MUC5B: variants seen among roughly 807,000 people sequenced by gnomAD.
The protein encoded by MUC5B is mucin-5B.
Under a neutral mutation model 376.9 loss-of-function variants are expected in MUC5B, and 116 were observed. The observed-to-expected ratio is 0.31, with a 90% CI of 0.26 to 0.36. The LOEUF (loss-of-function observed/expected upper bound fraction) is 0.36. Ranked by LOEUF, MUC5B falls within the 10% of genes least tolerant of loss-of-function variation. The pLI is 1.00. For missense variants in MUC5B, 7,165 were observed against 7,769.9 expected (o/e 0.92, Z 2.93); for synonymous variants, 3,517 against 3,390.9 (o/e 1.04, Z -1.29).
In MUC5B at chr11:1,258,008, G is replaced by T. The variant is rs970096114; in HGVS notation, c.16451-91G>T. 3.8e-6 allele frequency: 5 copies of T among 1,318,324 alleles called. No individual in the cohort carries two copies. In the African/African-American group the frequency reaches 4.4e-5, roughly 12 times the overall value. 81.7% of individuals were successfully genotyped at this position (1,318,324 alleles called of 1,614,324 possible). On this transcript the variant is annotated intron_variant, in intron 41 of 48. Transcript: ENST00000529681. This position sits in a 1 kb window ranked among gnomAD's most constrained non-coding sequence, Gnocchi z 5.5. ...GGGGCTGTGAAGCGGTCAGGTCCTC[G>T]GGGAAAAGCACGCCTGCGACTTACT...
In MUC5B at chr11:1,256,741, G is replaced by T. The variant is rs746569461; in HGVS notation, c.16207G>T (p.Ala5403Ser). 1.0e-5 allele frequency: 16 copies of T among 1,548,692 alleles called. No individual in the cohort carries two copies. Among genetic ancestry groups the T allele is most frequent in the African/African-American group, 1.4e-5 (1 of 72,628 alleles). ...CCCTGAGGACCAGATCCTCTTCAAC[G>T]CACACATGGGCATCTGCGTGCAGGC... is the stretch of plus-strand genomic sequence containing the variant. Reference protein sequence around the residue: ...FCPEDQILFNAHMGICVQACP... With the variant: ...FCPEDQILFNSHMGICVQACP... The change falls in exon 39 of 49, where the codon GCA (alanine) becomes TCA (serine). Residue 5403 changes from alanine to serine, a missense_variant. Physicochemically the swap from Ala to Ser is moderately conservative, Grantham distance 99. Around this residue, in one of 31 missense-constraint regions of MUC5B, gnomAD observed 842 missense variants for 1,016.9 expected, o/e 0.83. Coordinates refer to ENST00000529681, the MANE Select transcript of MUC5B (RefSeq NM_002458.3).
rs569128267 is a variant in MUC5B at position 1,254,799 on chromosome 11, G to A, written c.15583G>A (p.Val5195Met). 305 of 1,612,756 alleles carry A rather than the reference G, an allele frequency of 1.9e-4. 2 individuals are homozygous for A. The South Asian group carries it at 3.1e-3, about 16-fold the overall frequency. ...GCGTGTGGACATTCCTGCCCTGGGC[G>A]TGAGCGTCACCTTCAATGGCCAAGT... Reference protein sequence around the residue: ...TMRVDIPALGVSVTFNGQVFQ... With the variant: ...TMRVDIPALGMSVTFNGQVFQ... Residue 5195 changes from valine to methionine, a missense_variant, in exon 35 of 49, where the codon GTG (valine) becomes ATG (methionine). By Grantham distance (21) the Val-to-Met change is conservative (BLOSUM62 1). Transcript: ENST00000529681.
chr11:1,247,687 G>A lies in MUC5B; in HGVS notation c.10807G>A (p.Ala3603Thr). 2 of 1,587,104 alleles carry A rather than the reference G, an allele frequency of 1.3e-6. No homozygotes were observed. The highest frequency in any genetic ancestry group is 1.7e-5 in the Admixed American group (1 of 59,130). Residue 3603 changes from alanine to threonine, a missense_variant, in exon 31 of 49, where the codon GCG becomes ACG. Ala to Thr is a moderately conservative substitution (Grantham distance 58). This residue lies in a region of MUC5B where 81 missense variants were observed against 154.5 expected (regional missense o/e 0.52). Transcript: ENST00000529681. ...GDFDTYSNIR[A>T]AGGAVCEQPL... ...CTTTGACACCTACTCCAACATCCGT[G>A]CGGCCGGAGGGGCAGTCTGTGAGCA...
Position 1,243,150 on chromosome 11 carries a change from G to A in MUC5B, c.6270G>A (p.Val2090=), listed in dbSNP as rs1320968904. ...TTTPTTRGST[V]TPSSIPGTTH... Reference sequence around the variant, plus strand: ...CACCCACAACCAGAGGCTCCACGGTGACCCCCTCCTCCATCCCGGGGACCA... The same window carrying A: ...CACCCACAACCAGAGGCTCCACGGTAACCCCCTCCTCCATCCCGGGGACCA... The change falls in exon 31 of 49, where the codon GTG becomes GTA. Residue 2090 remains valine (V), a synonymous_variant. Transcript: ENST00000529681. 1 of 1,608,226 alleles carries A rather than the reference G, an allele frequency of 6.2e-7. No individual in the cohort carries two copies. The highest frequency in any genetic ancestry group is 2.2e-5 in the East Asian group (1 of 44,652).
At chr11:1,224,350 G>T (rs1441806511) in intron 1 of MUC5B, among the ~76,000 whole-genome samples, 1 of 152,090 alleles carries the variant, frequency 6.6e-6, no homozygotes, top group Non-Finnish European at 1.5e-5. Context: ...TGATGGGGTG[G>T]CTGGTGGTGG....
chr11:1,233,476 C>A (rs1368876344), intron 18 of MUC5B, among the ~76,000 whole-genome samples: 2 of 152,098 alleles, frequency 1.3e-5, no homozygotes, highest in African/African-American at 2.4e-5. Context: ...TGGGAGGACA[C>A]CTGCTGGCTG....
Position 1,245,178 on chromosome 11 carries a change from G to A in MUC5B, c.8298G>A (p.Thr2766=), listed in dbSNP as rs1449873100. The A allele has an allele frequency of 1.2e-5, 19 of 1,578,874 alleles. No homozygotes were observed. Among genetic ancestry groups the A allele is most frequent in the Middle Eastern group, 2.3e-4 (1 of 4,414 alleles). ...CCCTGTCCCCCAGCAGTCCCCACAC[G>A]GTGCGCACAGCCTGGACTTCGGCCA... is the stretch of plus-strand genomic sequence containing the variant. ...GRSLSPSSPH[T]VRTAWTSATS... is the part of the protein sequence containing the mutation. The change falls in exon 31 of 49, where the codon ACG becomes ACA. Residue 2766 remains threonine, a synonymous_variant. Coordinates refer to ENST00000529681, the MANE Select transcript of MUC5B (RefSeq NM_002458.3).
chr11:1,228,691 C>A lies in MUC5B; in HGVS notation c.902C>A (p.Thr301Asn), dbSNP rs1421102712. Residue 301 changes from threonine to asparagine, a missense_variant, in exon 8 of 49, where the codon ACC becomes AAC. By Grantham distance (65) the Thr-to-Asn change is moderately conservative (BLOSUM62 0). This residue lies in a region of MUC5B where 640 missense variants were observed against 733.0 expected (regional missense o/e 0.87). Coordinates refer to ENST00000529681, the MANE Select transcript of MUC5B (RefSeq NM_002458.3). ...LCRCPTCPCA[T>N]FVEYSRQCAH... ...CGCTGCCCCACCTGCCCGTGTGCCA[C>A]CTTTGTGGAATACTCACGCCAGTGC... 2 of 1,534,570 alleles carry A rather than the reference C, an allele frequency of 1.3e-6. No homozygotes were observed. Among genetic ancestry groups the A allele is most frequent in the East Asian group, 2.4e-5 (1 of 40,892 alleles).
rs1862290911 is a variant in MUC5B, at chr11:1,241,799, C to A, written c.4919C>A (p.Thr1640Asn). 1 of 1,612,342 alleles carries A rather than the reference C, an allele frequency of 6.2e-7. No homozygotes were observed. The highest frequency in any genetic ancestry group is 1.3e-5 in the African/African-American group (1 of 74,858). ...TPQPTSSPGL[T>N]RAPPASTTAV... The stretch of plus-strand genomic sequence containing the variant: ...CAGCCTACGAGTAGCCCGGGGCTGA[C>A]CAGGGCTCCCCCGGCCAGCACCACA... The change falls in exon 31 of 49, where the codon ACC (threonine) becomes AAC (asparagine). Residue 1640 changes from threonine (T) to asparagine (N), a missense_variant. Coordinates refer to ENST00000529681, the MANE Select transcript of MUC5B (RefSeq NM_002458.3).
Position 1,257,393 on chromosome 11 carries a change from G to T in MUC5B, c.16269+122G>T. 2 of 1,047,478 alleles carry T rather than the reference G, an allele frequency of 1.9e-6. No homozygotes were observed. The highest frequency in any genetic ancestry group is 1.5e-6 in the Non-Finnish European group (1 of 684,514). 64.9% of individuals were successfully genotyped at this position (1,047,478 alleles called of 1,614,324 possible). A position where few individuals can be genotyped will look rare whatever the true frequency, so the allele number is the denominator to read the frequency against. ...GCCCGAGTGTGACGTGGACGTGCCA[G>T]TGGCTGGTGTGCGCTTCCTGCCCCA... is the stretch of plus-strand genomic sequence containing the variant. On this transcript the variant is annotated intron_variant, in intron 40 of 48. Coordinates refer to ENST00000529681, the MANE Select transcript of MUC5B (RefSeq NM_002458.3). The surrounding 1 kb of genome is among the most constrained non-coding windows in gnomAD (Gnocchi z 8.9).
Position 1,248,111 on chromosome 11 carries a change from C to A in MUC5B, c.11231C>A (p.Thr3744Asn). 6.2e-7 allele frequency: 1 copy of A among 1,600,178 alleles called. No homozygotes were observed. The highest frequency in any genetic ancestry group is 1.1e-5 in the South Asian group (1 of 90,552). ...GGATCCACGGCCACCGCCTCCTCCA[C>A]CCAGGCAACTGCTGGCACCCCACAT... ...PTGSTATASS[T>N]QATAGTPHVS... Residue 3744 changes from threonine to asparagine, a missense_variant, in exon 31 of 49, where the codon ACC becomes AAC. Thr to Asn is a moderately conservative substitution (Grantham distance 65). This residue lies in a region of MUC5B where 72 missense variants were observed against 127.8 expected (regional missense o/e 0.56). Coordinates refer to ENST00000529681, the MANE Select transcript of MUC5B (RefSeq NM_002458.3).
In MUC5B at chr11:1,223,211, C is replaced by T. The variant is rs1010036629; in HGVS notation, c.70+18C>T. On this transcript the variant is annotated intron_variant, in intron 1 of 48. Transcript: ENST00000529681. ...GCAGGCAGGTAAGAGCCCCCCACTC[C>T]GCCCCCTCTCGATGCTGTCTTCACG... is the stretch of plus-strand genomic sequence containing the variant. 4.7e-5 allele frequency: 33 copies of T among 709,582 alleles called. No individual in the cohort carries two copies. Among genetic ancestry groups the T allele is most frequent in the Admixed American group, 1.4e-4 (7 of 49,912 alleles). 44.0% of individuals were successfully genotyped at this position (709,582 alleles called of 1,614,324 possible).
In MUC5B at chr11:1,234,566, C is replaced by T. The variant is rs563863915; in HGVS notation, c.2516C>T (p.Pro839Leu). ...THCVSGCVCP[P>L]GLVSDGSGGC... ...TGCGTGTCCGGCTGTGTCTGTCCCC[C>T]GGGGCTGGTGTCGGATGGGAGTGGG... Residue 839 changes from proline (P) to leucine (L), a missense_variant, in exon 21 of 49, where the codon CCG (proline) becomes CTG (leucine). Pro to Leu is a moderately conservative substitution (Grantham distance 98, BLOSUM62 -3). Around this residue, in one of 31 missense-constraint regions of MUC5B, gnomAD observed 530 missense variants for 604.0 expected, o/e 0.88. Transcript: ENST00000529681. The surrounding 1 kb of genome is among the most constrained non-coding windows in gnomAD (Gnocchi z 6.3). The T allele has an allele frequency of 4.9e-5, 77 of 1,581,874 alleles. No homozygotes were observed. Among genetic ancestry groups the T allele is most frequent in the Admixed American group, 1.3e-4 (7 of 55,718 alleles).
At chr11:1,225,994 A>G (rs190117671) in intron 2 of MUC5B, among the ~76,000 whole-genome samples, 1 of 152,372 alleles carries the variant, frequency 6.6e-6, no homozygotes, top group Non-Finnish European at 1.5e-5. Context: ...ACACTGGCAC[A>G]CACATGTGTG....
chr11:1,232,544 G>T lies in MUC5B; in HGVS notation c.1938G>T (p.Ser646=), dbSNP rs920921199. 1.9e-6 allele frequency: 3 copies of T among 1,609,464 alleles called. No individual in the cohort carries two copies. Among genetic ancestry groups the T allele is most frequent in the Admixed American group, 3.4e-5 (2 of 59,680 alleles). The change falls in exon 16 of 49, where the codon TCG becomes TCT. Residue 646 remains serine (S), a splice_region_variant and synonymous_variant. Transcript: ENST00000529681. The part of the protein sequence containing the change: ...HSIINPKPFH[S]NCMFDTCNCE... ...TCATCAACCCCAAGCCCTTCCACTC[G>T]GTGAGAGGCTGAGGCCAGACCCCCA...
Position 1,247,306 on chromosome 11 carries a change from T to C in MUC5B, c.10426T>C (p.Ser3476Pro), listed in dbSNP as rs758002492. The C allele has an allele frequency of 2.8e-5, 45 of 1,610,530 alleles. No individual in the cohort carries two copies. The East Asian group carries it at 9.8e-4, about 35-fold the overall frequency. ...GCGCACAGCCTGGACTTCGGCCACC[T>C]CGGGCATCTTGGGCACCACCCACAT... is the stretch of plus-strand genomic sequence containing the variant. ...TVRTAWTSAT[S>P]GILGTTHITE... Residue 3476 changes from serine (S) to proline (P), a missense_variant, in exon 31 of 49, where the codon TCG becomes CCG. Around this residue, in one of 31 missense-constraint regions of MUC5B, gnomAD observed 939 missense variants for 770.6 expected, o/e 1.22. Transcript: ENST00000529681.
chr11:1,252,866 C>T lies in MUC5B; in HGVS notation c.15103C>T (p.Arg5035Cys), dbSNP rs769579721. 17 of 1,612,362 alleles carry T rather than the reference C, an allele frequency of 1.1e-5. No homozygotes were observed. The highest frequency in any genetic ancestry group is 1.3e-5 in the African/African-American group (1 of 74,926). Residue 5035 changes from arginine to cysteine, a missense_variant, in exon 33 of 49, where the codon CGT (arginine) becomes TGT (cysteine). Around this residue, in one of 31 missense-constraint regions of MUC5B, gnomAD observed 842 missense variants for 1,016.9 expected, o/e 0.83. Transcript: ENST00000529681. ...CTVARCVGDN[R>C]VVLLDPKPVA... ...GGTGGCCAGGTGCGTGGGTGACAAC[C>T]GTGTCGTCCTGCTGGACCCAAAGCC...
chr11:1,260,786 C>G (rs1476209515), intron 48 of MUC5B, 58 bp downstream of exon 48: 2 of 1,323,646 alleles, frequency 1.5e-6, no homozygotes, highest in Non-Finnish European at 2.1e-6. Flanking sequence ...TCCGCCCTGG[C>G]CCGTCAGCTG....
chr11:1,257,154 C>T lies in MUC5B; in HGVS notation c.16238-86C>T. On this transcript the variant is annotated intron_variant, in intron 39 of 48. Coordinates refer to ENST00000529681, the MANE Select transcript of MUC5B (RefSeq NM_002458.3). The surrounding 1 kb of genome is among the most constrained non-coding windows in gnomAD (Gnocchi z 8.9). Reference sequence around the variant, plus strand: ...TTCCATCCCGGGGGGAAGCAGGCTCCAGGCCTGAGAGCACCTCCCATGGCC... The same window carrying T: ...TTCCATCCCGGGGGGAAGCAGGCTCTAGGCCTGAGAGCACCTCCCATGGCC... The T allele has an allele frequency of 1.3e-6, 1 of 773,696 alleles. No homozygotes were observed. Among genetic ancestry groups the T allele is most frequent in the African/African-American group, 1.7e-5 (1 of 59,180 alleles). The allele number at this position is 773,696 out of a possible 1,614,324, so 47.9% of individuals were successfully genotyped here. A position where few individuals can be genotyped will look rare whatever the true frequency, so the allele number is the denominator to read the frequency against.
Sources: gnomAD v4.1 joint callset for allele counts (sites outside exome capture counted in the v4.1 genomes callset) on GRCh38, gnomAD v4.1.1 for gene constraint, gnomAD v4.1.1 regional missense constraint, Gnocchi (gnomAD v3.1) non-coding constraint, MANE v1.5 for transcripts, NCBI Gene and HGNC (gene_info 2026-07-23, HGNC 2026-07-21) for gene names.